TRIO: variants seen among roughly 807,000 people sequenced by gnomAD.
TRIO encodes trio Rho guanine nucleotide exchange factor.
In TRIO, 58 loss-of-function variants were observed where a neutral mutation model predicts 351.9. That is an observed-to-expected ratio of 0.16 (90% CI 0.13 to 0.21). TRIO has a LOEUF of 0.21. Among genes scored for constraint, TRIO ranks in the 10% least tolerant of loss-of-function variants. The pLI is 1.00. For synonymous variants in TRIO, 1,758 were observed against 1,595.7 expected, an observed-to-expected ratio of 1.10 and a Z score of -2.42; for missense variants, 3,201 against 4,027.8, an observed-to-expected ratio of 0.79 and a Z score of 5.56.
At chr5:14,283,536 A>G (rs1736188441) in intron 3 of TRIO, among the ~76,000 whole-genome samples, 1 of 152,194 alleles carries the variant, frequency 6.6e-6, no homozygotes, top group African/African-American at 2.4e-5. Context: ...GACATGCAGT[A>G]GCTTGCTGAG....
Position 14,488,226 on chromosome 5 carries a change from G to GTCCGTGCAGTC in TRIO, c.7598_7599insTCCGTGCAGTC (p.Glu2534ProfsTer29). ...CGCATGAGCACGTGCTCCTCGGCCAGCGAGCAGTCCGTGCAGTCCACCCAG... is the reference window on the plus strand; with the variant it reads ...CGCATGAGCACGTGCTCCTCGGCCAGTCCGTGCAGTCCGAGCAGTCCGTGCAGTCCACCCAG... On this transcript the variant is annotated frameshift_variant, in exon 48 of 57. Coordinates refer to ENST00000344204, the MANE Select transcript of TRIO (RefSeq NM_007118.4). LOFTEE classifies it high-confidence loss of function. The GTCCGTGCAGTC allele has an allele frequency of 6.3e-7, 1 of 1,588,294 alleles. No individual in the cohort carries two copies. Among genetic ancestry groups the GTCCGTGCAGTC allele is most frequent in the Non-Finnish European group, 8.5e-7 (1 of 1,174,608 alleles).
intron 1 of TRIO, among the ~76,000 whole-genome samples, chr5:14,251,011 C>A (rs1160930803): frequency 1.3e-5 from 2 of 152,086 alleles, no homozygotes; most frequent in African/African-American, 4.8e-5. Context: ...GCGAGGGGAA[C>A]CCTTTGAATT....
chr5:14,307,717 A>C (rs1738501346), intron 8 of TRIO, among the ~76,000 whole-genome samples: 1 of 152,190 alleles, frequency 6.6e-6, no homozygotes, highest in Non-Finnish European at 1.5e-5. Flanking sequence ...ATAGAATACC[A>C]GTCTCTGTTT....
chr5:14,198,287 C>T (rs1006538951), intron 1 of TRIO, among the ~76,000 whole-genome samples: 1 of 152,166 alleles, frequency 6.6e-6, no homozygotes, highest in Non-Finnish European at 1.5e-5. Context: ...GTATCATGCC[C>T]ATTTCCCTCT....
chr5:14,433,202 G>C lies in TRIO; in HGVS notation c.5203+13181G>C, dbSNP rs1416258988. The stretch of plus-strand genomic sequence containing the variant: ...AACTCACATAGTTTGTGAAAAGATA[G>C]TAAATAAAGCAATGAAAAGGAGCCT... On this transcript the variant is annotated intron_variant, in intron 34 of 56. Transcript: ENST00000344204. 3.9e-5 allele frequency among the ~76,000 whole-genome samples: 6 copies of C among 152,280 alleles called. No homozygotes were observed. In the Middle Eastern group the frequency reaches 0.01, roughly 259 times the overall value.
Position 14,462,782 on chromosome 5 carries a change from G to A in TRIO, c.5524G>A (p.Gly1842Ser). 1.2e-6 allele frequency: 2 copies of A among 1,614,200 alleles called. No individual in the cohort carries two copies. The highest frequency in any genetic ancestry group is 1.7e-6 in the Non-Finnish European group (2 of 1,180,034). ...AGGCCGGAACGAGGGCCTGAGCAGC[G>A]GTACTCTCTCCAAATCCTCCTCCTC... ...ERGRNEGLSS[G>S]TLSKSSSSGM... Residue 1842 changes from glycine (G) to serine (S), a missense_variant, in exon 36 of 57, where the codon GGT becomes AGT. By Grantham distance (56) the Gly-to-Ser change is moderately conservative. Coordinates refer to ENST00000344204, the MANE Select transcript of TRIO (RefSeq NM_007118.4).
intron 3 of TRIO, among the ~76,000 whole-genome samples, chr5:14,285,630 C>T (rs938229212): frequency 1.3e-5 from 2 of 152,062 alleles, no homozygotes; most frequent in African/African-American, 4.8e-5. Flanking sequence ...ATTTGCATTA[C>T]TTAATGATAG....
At chr5:14,285,396 T>G (rs1736353953) in intron 3 of TRIO, among the ~76,000 whole-genome samples, 1 of 151,948 alleles carries the variant, frequency 6.6e-6, no homozygotes, top group Non-Finnish European at 1.5e-5. Context: ...CATACAGGCA[T>G]TTTTTTGGGG....
chr5:14,397,436 G>C, intron 29 of TRIO: 1 of 325,964 alleles, frequency 3.1e-6, no homozygotes, highest in Non-Finnish European at 5.7e-6. Context: ...TGTTCTCCCT[G>C]TTAGATGGAT....
intron 28 of TRIO, 90 bp from the exon 29 acceptor site, chr5:14,396,953 G>A: frequency 9.1e-7 from 1 of 1,095,150 alleles, no homozygotes; most frequent in Non-Finnish European, 1.3e-6. Flanking sequence ...TATCTTGAAA[G>A]CCATGGGCTT....
chr5:14,168,891 G>A (rs554579667), intron 1 of TRIO, among the ~76,000 whole-genome samples: 9 of 152,342 alleles, frequency 5.9e-5, no homozygotes, highest in African/African-American at 1.9e-4. Context: ...AGGTCTATCT[G>A]GCATTCCGCT....
intron 34 of TRIO, among the ~76,000 whole-genome samples, chr5:14,448,691 G>A (rs191894797): frequency 6.6e-6 from 1 of 152,306 alleles, no homozygotes; most frequent in East Asian, 1.9e-4. Context: ...AAAGCTGCTG[G>A]GCATGGATGT....
intron 1 of TRIO, among the ~76,000 whole-genome samples, chr5:14,225,788 TCCCACCCCCCCC>T (rs140235002): frequency 0.048 from 2,226 of 46,052 alleles, 128 homozygotes; most frequent in African/African-American, 0.15. Context: ...TATTCACTGC[TCCCACCCCCCCC>T]CCCACCTCCA....
At chr5:14,163,305 A>G (rs921461074) in intron 1 of TRIO, among the ~76,000 whole-genome samples, 1 of 152,222 alleles carries the variant, frequency 6.6e-6, no homozygotes, top group African/African-American at 2.4e-5. Context: ...TTTGCCAAGA[A>G]TGATGGCTTC....
At chr5:14,304,237 A>C (rs910037017) in intron 7 of TRIO, among the ~76,000 whole-genome samples, 35 of 152,190 alleles carry the variant, frequency 2.3e-4, no homozygotes, top group East Asian at 3.9e-4. Flanking sequence ...ATTCATCTGA[A>C]ATGTGGATTC....
At chr5:14,180,847 CA>C (rs34473680) in intron 1 of TRIO, among the ~76,000 whole-genome samples, 63,583 of 139,006 alleles carry the variant, frequency 0.46, 15,700 homozygotes, top group Non-Finnish European at 0.57. Context: ...AGTGCCCCCA[CA>C]AAAAAAAAAA....
chr5:14,235,667 T>C (rs1045668416), intron 1 of TRIO, among the ~76,000 whole-genome samples: 1 of 152,086 alleles, frequency 6.6e-6, no homozygotes, highest in Admixed American at 6.5e-5. Flanking sequence ...AGAATGGAAC[T>C]ACGCTAGACA....
chr5:14,281,384 T>C (rs1448228540), intron 3 of TRIO, among the ~76,000 whole-genome samples: 2 of 148,540 alleles, frequency 1.3e-5, no homozygotes, highest in East Asian at 2.0e-4. Context: ...GAGAACTCCA[T>C]CAGGGGACAG....
Position 14,461,151 on chromosome 5 carries a change from G to T in TRIO, c.5336G>T (p.Ser1779Ile). 2 of 1,555,916 alleles carry T rather than the reference G, an allele frequency of 1.3e-6. No homozygotes were observed. The highest frequency in any genetic ancestry group is 1.7e-6 in the Non-Finnish European group (2 of 1,150,418). The change falls in exon 35 of 57, where the codon AGC becomes ATC. Residue 1779 changes from serine to isoleucine, a missense_variant. By Grantham distance (142) the Ser-to-Ile change is moderately radical. This residue lies in a region of TRIO where 193 missense variants were observed against 218.8 expected (regional missense o/e 0.88). Transcript: ENST00000344204. ...PGNTLRKWLT[S>I]PVRRLSSGKA... is the part of the protein sequence containing the mutation. Reference sequence around the variant, plus strand: ...AACACCCTGCGCAAGTGGCTCACCAGCCCCGTGCGGCGGCTCAGCAGCGGC... The same window carrying T: ...AACACCCTGCGCAAGTGGCTCACCATCCCCGTGCGGCGGCTCAGCAGCGGC...
Sources: gnomAD v4.1 joint callset for allele counts (sites outside exome capture counted in the v4.1 genomes callset) on GRCh38, gnomAD v4.1.1 for gene constraint, gnomAD v4.1.1 regional missense constraint, MANE v1.5 for transcripts, NCBI Gene and HGNC (gene_info 2026-07-23, HGNC 2026-07-21) for gene names.